Variants in NTNG1 observed in about 807,000 individuals in gnomAD.
NTNG1 encodes netrin-G1.
Under a neutral mutation model 54.0 loss-of-function variants are expected in NTNG1, and 16 were observed. The ratio of observed to expected loss-of-function variants is 0.30; its 90% confidence interval spans 0.20 to 0.45. NTNG1 has a LOEUF of 0.45. Ranked by LOEUF, NTNG1 falls within the 20% of genes least tolerant of loss-of-function variation. The pLI, the probability that NTNG1 is intolerant of heterozygous loss-of-function variation, is 1.00. For synonymous variants in NTNG1, 255 were observed against 263.1 expected (o/e 0.97, Z 0.30); for missense variants, 530 against 678.7 (o/e 0.78, Z 2.43).
At chr1:107,359,076 A>T (rs922172670) in intron 3 of NTNG1, among the ~76,000 whole-genome samples, 8 of 152,216 alleles carry the variant, frequency 5.3e-5, no homozygotes, top group African/African-American at 1.9e-4. Context: ...ACACACACAC[A>T]GGAAATTGCA....
chr1:107,207,010 A>G (rs911564549), intron 2 of NTNG1, among the ~76,000 whole-genome samples: 4 of 152,156 alleles, frequency 2.6e-5, no homozygotes, highest in African/African-American at 9.7e-5. Flanking sequence ...CTGCCTAGTA[A>G]TTTTCTAAAA....
chr1:107,387,517 C>T (rs561030310), intron 3 of NTNG1, among the ~76,000 whole-genome samples: 4 of 152,178 alleles, frequency 2.6e-5, no homozygotes, highest in Admixed American at 6.6e-5. Context: ...AAGCCCTCTG[C>T]TGATACAGAA....
At chr1:107,416,521 A>G (rs990979213) in intron 5 of NTNG1, among the ~76,000 whole-genome samples, 1 of 152,028 alleles carries the variant, frequency 6.6e-6, no homozygotes, top group African/African-American at 2.4e-5. Context: ...AAATACATAT[A>G]AGAAGATCCA....
At chr1:107,361,284 T>C (rs1670260192) in intron 3 of NTNG1, among the ~76,000 whole-genome samples, 1 of 142,854 alleles carries the variant, frequency 7.0e-6, no homozygotes, top group African/African-American at 2.5e-5. Context: ...ATATAATATA[T>C]AATTTTTATA....
intron 2 of NTNG1, among the ~76,000 whole-genome samples, chr1:107,156,822 T>C (rs1557767609): frequency 6.6e-6 from 1 of 152,158 alleles, no homozygotes; most frequent in East Asian, 1.9e-4. Flanking sequence ...CATTGCTCTC[T>C]TTTGTCTGTG....
At chr1:107,329,015 G>A (rs1668118660) in intron 3 of NTNG1, 1 of 152,036 alleles carries the variant, frequency 6.6e-6, no homozygotes. Flanking sequence ...GTAATTATCG[G>A]TCATTTTTTC....
intron 4 of NTNG1, among the ~76,000 whole-genome samples, chr1:107,406,436 C>G (rs548421340): frequency 6.6e-6 from 1 of 152,110 alleles, no homozygotes; most frequent in Non-Finnish European, 1.5e-5. Context: ...TATGGATTAT[C>G]TCATTCGATC....
At chr1:107,247,969 AT>A (rs1433801699) in intron 2 of NTNG1, among the ~76,000 whole-genome samples, 1 of 152,178 alleles carries the variant, frequency 6.6e-6, no homozygotes, top group Non-Finnish European at 1.5e-5. Flanking sequence ...TTGTTCCTTC[AT>A]TTAGATAGTT....
At chr1:107,403,204 CAAACG>C (rs1219923184) in intron 4 of NTNG1, among the ~76,000 whole-genome samples, 3 of 152,050 alleles carry the variant, frequency 2.0e-5, no homozygotes, top group Non-Finnish European at 4.4e-5. Context: ...ATCTTTAAAA[CAAACG>C]TAAGTGGGAG....
chr1:107,411,354 G>A (rs758010897), intron 5 of NTNG1, among the ~76,000 whole-genome samples: 3 of 152,104 alleles, frequency 2.0e-5, no homozygotes, highest in Non-Finnish European at 4.4e-5. Flanking sequence ...CTACCTGCAG[G>A]GATCTGTCAG....
chr1:107,343,488 G>A (rs991595884), intron 3 of NTNG1, among the ~76,000 whole-genome samples: 1 of 151,848 alleles, frequency 6.6e-6, no homozygotes, highest in Middle Eastern at 3.2e-3. Flanking sequence ...CTGCTATCTT[G>A]GCTTTCTTGA....
At chr1:107,182,444 C>T (rs1657140776) in intron 2 of NTNG1, among the ~76,000 whole-genome samples, 2 of 152,086 alleles carry the variant, frequency 1.3e-5, no homozygotes, top group African/African-American at 4.8e-5. Context: ...TTATTGTAAA[C>T]ATCAGCTCAT....
At chr1:107,168,074 A>C (rs1357487034) in intron 2 of NTNG1, among the ~76,000 whole-genome samples, 1 of 152,046 alleles carries the variant, frequency 6.6e-6, no homozygotes, top group African/African-American at 2.4e-5. Flanking sequence ...AGTATAACTA[A>C]AGGGAGCTTT....
At chr1:107,297,178 TAACATC>T (rs537501921) in intron 2 of NTNG1, among the ~76,000 whole-genome samples, 188 of 141,652 alleles carry the variant, frequency 1.3e-3, no homozygotes, top group East Asian at 9.7e-3. Flanking sequence ...TAACATCATA[TAACATC>T]ATATATATAT....
At chr1:107,338,368 CAT>C (rs1343324876) in intron 3 of NTNG1, among the ~76,000 whole-genome samples, 1 of 151,964 alleles carries the variant, frequency 6.6e-6, no homozygotes, top group Non-Finnish European at 1.5e-5. Flanking sequence ...CTGTTTGACT[CAT>C]GTTTCCATCC....
At chr1:107,358,820 TA>T (rs1219273556) in intron 3 of NTNG1, among the ~76,000 whole-genome samples, 9 of 152,134 alleles carry the variant, frequency 5.9e-5, no homozygotes, top group Admixed American at 5.9e-4. Flanking sequence ...GCCCCAGAAG[TA>T]AAAGAGTTTA....
chr1:107,163,163 G>A (rs1159146134), intron 2 of NTNG1, among the ~76,000 whole-genome samples: 2 of 152,134 alleles, frequency 1.3e-5, no homozygotes, highest in African/African-American at 2.4e-5. Context: ...TTCTTGAAAG[G>A]AAGTTTCTGG....
chr1:107,430,902 G>A lies in NTNG1; in HGVS notation c.1240G>A (p.Glu414Lys). The A allele has an allele frequency of 1.2e-6, 2 of 1,613,006 alleles. No individual in the cohort carries two copies. The highest frequency in any genetic ancestry group is 1.7e-6 in the Non-Finnish European group (2 of 1,179,372). Residue 414 changes from glutamate (E) to lysine (K), a missense_variant, in exon 6 of 8, where the codon GAG becomes AAG. Physicochemically the swap from Glu to Lys is moderately conservative, Grantham distance 56. Transcript: ENST00000370068. Reference protein sequence around the residue: ...FRNASAQLDDENVCIECYCNP... With the variant: ...FRNASAQLDDKNVCIECYCNP... ...AAATGCTTCTGCACAACTGGACGAT[G>A]AGAATGTGTGCATAGGTCAGTTCCA...
chr1:107,388,998 A>G (rs188493814), intron 3 of NTNG1, among the ~76,000 whole-genome samples: 1 of 152,344 alleles, frequency 6.6e-6, no homozygotes, highest in East Asian at 1.9e-4. Flanking sequence ...CAAGCAGAGG[A>G]TGATCCACAT....
Sources: allele counts gnomAD v4.1 joint callset (sites outside exome capture counted in the v4.1 genomes callset), GRCh38; gene constraint gnomAD v4.1.1; transcripts MANE v1.5; gene names NCBI Gene and HGNC (gene_info 2026-07-23, HGNC 2026-07-21).